COP1: variants seen among roughly 807,000 people sequenced by gnomAD.
COP1 encodes the protein COP1 E3 ubiquitin ligase.
In COP1, 24 loss-of-function variants were observed where a neutral mutation model predicts 101.3. That is an observed-to-expected ratio of 0.24 (90% CI 0.17 to 0.33). COP1 has a LOEUF of 0.33. Ranked by LOEUF, COP1 falls within the 10% of genes least tolerant of loss-of-function variation. COP1 has a pLI of 1.00. For synonymous variants in COP1, 347 were observed against 341.9 expected, an observed-to-expected ratio of 1.01 and a Z score of -0.17; for missense variants, 663 against 906.2, an observed-to-expected ratio of 0.73 and a Z score of 3.45.
chr1:175,967,232 A>T (rs1652194603), intron 18 of COP1, among the ~76,000 whole-genome samples: 1 of 152,204 alleles, frequency 6.6e-6, no homozygotes, highest in Non-Finnish European at 1.5e-5. Context: ...GGCTGGTATT[A>T]AACTCCTGAC....
intron 1 of COP1, among the ~76,000 whole-genome samples, chr1:176,196,222 G>T (rs1699678724): frequency 6.6e-6 from 1 of 151,990 alleles, no homozygotes; most frequent in African/African-American, 2.4e-5. Context: ...AAGAAAACAT[G>T]AAACTCCAAG....
chr1:176,115,950 G>A (rs1686114938), intron 9 of COP1, among the ~76,000 whole-genome samples: 1 of 151,982 alleles, frequency 6.6e-6, no homozygotes, highest in South Asian at 2.1e-4. Flanking sequence ...AAGCTGTTAA[G>A]TTTCAACGTA....
At chr1:176,105,651 T>C (rs368939652) in intron 9 of COP1, among the ~76,000 whole-genome samples, 2 of 152,200 alleles carry the variant, frequency 1.3e-5, no homozygotes, top group Non-Finnish European at 2.9e-5. Context: ...TCAGCTTGTA[T>C]GGACTGACCA....
At position 176,115,519 on chromosome 1, in the gene COP1, G is replaced by A. The variant is rs540077840; in HGVS notation, c.1026+1105C>T. Among the ~76,000 whole-genome samples, 17 of 152,160 alleles carry A rather than the reference G, an allele frequency of 1.1e-4. No homozygotes were observed. The South Asian group carries it at 3.3e-3, about 30-fold the overall frequency. ...ATGCCAGCACTTGGAGAGGTCAAGG[G>A]GGGAGGATCACGAGGTCAAGAGATG... On this transcript the variant is annotated intron_variant, in intron 9 of 19. Transcript: ENST00000367669.
chr1:176,022,708 G>A (rs1471764151), intron 15 of COP1, among the ~76,000 whole-genome samples: 1 of 151,806 alleles, frequency 6.6e-6, no homozygotes, highest in Non-Finnish European at 1.5e-5. Context: ...TGGCCTCACT[G>A]ATGCCTTGCT....
chr1:176,044,334 C>A (rs1157018479), intron 12 of COP1, among the ~76,000 whole-genome samples: 1 of 152,178 alleles, frequency 6.6e-6, no homozygotes, highest in African/African-American at 2.4e-5. Context: ...AAGTTAGAAT[C>A]AAACTTTTAT....
intron 2 of COP1, among the ~76,000 whole-genome samples, chr1:176,183,633 C>T (rs922695169): frequency 7.2e-5 from 11 of 152,082 alleles, no homozygotes; most frequent in Non-Finnish European, 2.9e-5. Flanking sequence ...AAGCAGAGTC[C>T]TAAAGAGATG....
chr1:176,076,144 T>C lies in COP1; in HGVS notation c.1277+5008A>G, dbSNP rs143089393. 1.6e-3 allele frequency among the ~76,000 whole-genome samples: 239 copies of C among 151,732 alleles called. 1 individual carries two copies. The East Asian group carries it at 0.043, about 27-fold the overall frequency. On this transcript the variant is annotated intron_variant, in intron 11 of 19. Coordinates refer to ENST00000367669, the MANE Select transcript of COP1 (RefSeq NM_022457.7). ...CTGGATACACATTGACACAGAGTACTACACCCAACAACCACAGAATATACA... is the reference window on the plus strand; with the variant it reads ...CTGGATACACATTGACACAGAGTACCACACCCAACAACCACAGAATATACA...
intron 11 of COP1, among the ~76,000 whole-genome samples, chr1:176,062,102 G>A (rs1038525157): frequency 2.6e-5 from 4 of 152,126 alleles, no homozygotes; most frequent in African/African-American, 7.2e-5. Flanking sequence ...CCAGGTTCAC[G>A]TCATTCTCCT....
intron 15 of COP1, among the ~76,000 whole-genome samples, chr1:175,999,435 A>C (rs899888669): frequency 1.3e-5 from 2 of 151,974 alleles, no homozygotes; most frequent in African/African-American, 4.8e-5. Context: ...AAATGACAGA[A>C]TCTCATTCTT....
intron 9 of COP1, among the ~76,000 whole-genome samples, chr1:176,116,195 C>T (rs1307950136): frequency 1.3e-5 from 2 of 151,802 alleles, no homozygotes; most frequent in African/African-American, 2.4e-5. Context: ...CTGGACAACA[C>T]GGTGAAATCC....
intron 3 of COP1, among the ~76,000 whole-genome samples, chr1:176,169,982 C>T (rs547586313): frequency 6.6e-6 from 1 of 152,336 alleles, no homozygotes; most frequent in African/African-American, 2.4e-5. Context: ...AGCATCTTCA[C>T]TAGGAGTAGA....
chr1:176,126,198 G>C (rs981168639), intron 8 of COP1, among the ~76,000 whole-genome samples: 4 of 152,042 alleles, frequency 2.6e-5, no homozygotes, highest in African/African-American at 9.7e-5. Flanking sequence ...TTCCAATCTG[G>C]ATGCTCTTTA....
At chr1:176,162,805 A>T in intron 5 of COP1, 64 bp downstream of exon 5, 1 of 1,408,334 alleles carries the variant, frequency 7.1e-7, no homozygotes, top group Non-Finnish European at 9.7e-7. Context: ...TAAACTTTCT[A>T]CGTCTTTTTT....
chr1:176,027,449 G>C (rs1282089840), intron 15 of COP1, 123 bp downstream of exon 15: 6 of 685,268 alleles, frequency 8.8e-6, no homozygotes, highest in African/African-American at 1.8e-5. Flanking sequence ...TTCTAATTTA[G>C]AGCCTAATAA....
intron 15 of COP1, among the ~76,000 whole-genome samples, chr1:175,999,755 C>T (rs1469193495): frequency 1.3e-5 from 2 of 152,100 alleles, no homozygotes; most frequent in African/African-American, 2.4e-5. Flanking sequence ...CTTTTCTCCA[C>T]ATCCTCACCA....
intron 5 of COP1, among the ~76,000 whole-genome samples, chr1:176,159,320 T>G (rs889115946): frequency 1.3e-5 from 2 of 152,174 alleles, no homozygotes; most frequent in Non-Finnish European, 2.9e-5. Context: ...CTGTACTGGT[T>G]ATTACAGAAA....
At chr1:176,168,997 C>A (rs1360284930) in intron 3 of COP1, among the ~76,000 whole-genome samples, 2 of 152,088 alleles carry the variant, frequency 1.3e-5, no homozygotes, top group Non-Finnish European at 2.9e-5. Flanking sequence ...AAATGCCTGA[C>A]TTGTTAATAG....
chr1:176,134,937 G>T, intron 8 of COP1, 73 bp downstream of exon 8: 1 of 1,079,754 alleles, frequency 9.3e-7, no homozygotes, highest in Non-Finnish European at 1.4e-6. Context: ...CATGGAAAAG[G>T]CTCCTAAAGG....
Sources: gnomAD v4.1 joint callset for allele counts (sites outside exome capture counted in the v4.1 genomes callset) on GRCh38, gnomAD v4.1.1 for gene constraint, MANE v1.5 for transcripts, NCBI Gene and HGNC (gene_info 2026-07-23, HGNC 2026-07-21) for gene names.